Variants in MAN1A1 observed in about 807,000 individuals in gnomAD.
MAN1A1 encodes mannosidase alpha class 1A member 1.
MAN1A1 carries 29 observed loss-of-function variants against 70.8 expected under a neutral mutation model. The observed-to-expected ratio is 0.41, with a 90% CI of 0.31 to 0.56. The LOEUF is 0.56. Among genes scored for constraint, MAN1A1 ranks in the 20% least tolerant of loss-of-function variants. The pLI is 0.29. For missense variants in MAN1A1, 747 were observed against 841.3 expected (o/e 0.89, Z 1.39); for synonymous variants, 349 against 330.1 (o/e 1.06, Z -0.62).
chr6:119,313,335 C>T (rs1205049489), intron 2 of MAN1A1, among the ~76,000 whole-genome samples: 2 of 152,044 alleles, frequency 1.3e-5, no homozygotes, highest in African/African-American at 4.8e-5. Context: ...CCTCAGTGAG[C>T]GAGGGCCACC....
intron 6 of MAN1A1, among the ~76,000 whole-genome samples, chr6:119,216,196 G>T (rs1041436487): frequency 6.6e-6 from 1 of 152,166 alleles, no homozygotes; most frequent in Non-Finnish European, 1.5e-5. Flanking sequence ...AGCATTCCAG[G>T]CTTTTAAACA....
At chr6:119,264,792 G>A (rs1274796114) in intron 5 of MAN1A1, among the ~76,000 whole-genome samples, 1 of 152,036 alleles carries the variant, frequency 6.6e-6, no homozygotes, top group African/African-American at 2.4e-5. Flanking sequence ...TTGCAAATTG[G>A]CATACAATAG....
intron 5 of MAN1A1, among the ~76,000 whole-genome samples, chr6:119,279,998 T>C (rs1776186415): frequency 6.6e-6 from 1 of 152,208 alleles, no homozygotes; most frequent in Non-Finnish European, 1.5e-5. Context: ...TTCAAAATAG[T>C]ATTTTCTCTT....
chr6:119,222,699 C>T (rs971106634), intron 6 of MAN1A1, among the ~76,000 whole-genome samples: 1 of 152,194 alleles, frequency 6.6e-6, no homozygotes, highest in African/African-American at 2.4e-5. Flanking sequence ...CACAGAGAAA[C>T]TTCTTCACCA....
intron 6 of MAN1A1, among the ~76,000 whole-genome samples, chr6:119,236,126 C>A (rs1383104065): frequency 1.9e-5 from 2 of 107,372 alleles, no homozygotes; most frequent in Non-Finnish European, 3.8e-5. Context: ...TAGAGCAAGA[C>A]TCCGTCTAAA....
chr6:119,349,753 G>C lies in MAN1A1; in HGVS notation c.-434C>G. On this transcript the variant is annotated 5_prime_UTR_variant, in exon 1 of 13. Transcript: ENST00000368468. Reference sequence around the variant, plus strand: ...GCACGGTACACTCCGCCGCGGCCCCGCGAGCACTAATCTCACTGCCGGTCT... The same window carrying C: ...GCACGGTACACTCCGCCGCGGCCCCCCGAGCACTAATCTCACTGCCGGTCT... 3.0e-6 allele frequency: 3 copies of C among 985,508 alleles called. No homozygotes were observed. Among genetic ancestry groups the C allele is most frequent in the Non-Finnish European group, 3.6e-6 (3 of 829,952 alleles). 61.0% of individuals were successfully genotyped at this position (985,508 alleles called of 1,614,324 possible).
intron 6 of MAN1A1, among the ~76,000 whole-genome samples, chr6:119,208,985 C>T (rs2114954949): frequency 6.6e-6 from 1 of 151,012 alleles, no homozygotes; most frequent in African/African-American, 2.4e-5. Flanking sequence ...GTCCCAGCTA[C>T]CTGGGAAGTG....
rs1017346673 is a variant in MAN1A1, at chr6:119,348,816, C to A, written c.250G>T (p.Ala84Ser). The A allele has an allele frequency of 1.4e-6, 2 of 1,455,202 alleles. No individual in the cohort carries two copies. Among genetic ancestry groups the A allele is most frequent in the Non-Finnish European group, 1.8e-6 (2 of 1,099,074 alleles). 90.1% of individuals were successfully genotyped at this position (1,455,202 alleles called of 1,614,324 possible). The stretch of plus-strand genomic sequence containing the variant: ...GCCCCGGGCCCGGGCTTGTGGTCGG[C>A]GGCCGGCTGCAAGGCGGGGCTGGAG... ...FHSSPALQPA[A>S]DHKPGPGARA... The change falls in exon 2 of 13, where the codon GCC (alanine) becomes TCC (serine). Residue 84 changes from alanine to serine, a missense_variant. This residue lies in a region of MAN1A1 where 328 missense variants were observed against 293.1 expected (regional missense o/e 1.12). Transcript: ENST00000368468.
chr6:119,238,903 A>T (rs904725227), intron 6 of MAN1A1, among the ~76,000 whole-genome samples: 29 of 151,996 alleles, frequency 1.9e-4, no homozygotes, highest in Middle Eastern at 3.4e-3. Context: ...TATTATTATT[A>T]TTTTTGAGAC....
In MAN1A1 at chr6:119,204,902, G is replaced by A. The variant is rs757850586; in HGVS notation, c.993-20C>T. ...ATACCACTAAAGAAGAGATGACGTCGAAGAGTTATGGGTCAGATTAACTCC... is the reference window on the plus strand; with the variant it reads ...ATACCACTAAAGAAGAGATGACGTCAAAGAGTTATGGGTCAGATTAACTCC... On this transcript the variant is annotated intron_variant, in intron 6 of 12. Transcript: ENST00000368468. 46 of 1,612,380 alleles carry A rather than the reference G, an allele frequency of 2.9e-5. No individual in the cohort carries two copies. Among genetic ancestry groups the A allele is most frequent in the South Asian group, 1.3e-4 (12 of 90,838 alleles).
At chr6:119,286,191 T>C (rs938824680) in intron 5 of MAN1A1, among the ~76,000 whole-genome samples, 2 of 152,186 alleles carry the variant, frequency 1.3e-5, no homozygotes, top group Non-Finnish European at 2.9e-5. Context: ...TCTAATGAAT[T>C]GTGGCAGACA....
rs149348645 is a variant in MAN1A1, at chr6:119,216,182, G to A, written c.993-11300C>T. Among the ~76,000 whole-genome samples the A allele has an allele frequency of 1.3e-4, 20 of 152,310 alleles. No homozygotes were observed. The East Asian group carries it at 3.9e-3, about 29-fold the overall frequency. On this transcript the variant is annotated intron_variant, in intron 6 of 12. Coordinates refer to ENST00000368468, the MANE Select transcript of MAN1A1 (RefSeq NM_005907.4). The stretch of plus-strand genomic sequence containing the variant: ...GTTTCAATTTATTCTAAGTGCAGTG[G>A]AAAAGCATTCCAGGCTTTTAAACAG...
Position 119,306,448 on chromosome 6 carries a change from C to T in MAN1A1, c.700+448G>A, listed in dbSNP as rs554263597. ...CTCACTTTCTCTTCCATGGTACAAACAGGAGAAACCTATAGCCAAAATTGA... is the reference window on the plus strand; with the variant it reads ...CTCACTTTCTCTTCCATGGTACAAATAGGAGAAACCTATAGCCAAAATTGA... On this transcript the variant is annotated intron_variant, in intron 3 of 12. Transcript: ENST00000368468. Among the ~76,000 whole-genome samples, 264 of 152,292 alleles carry T rather than the reference C, an allele frequency of 1.7e-3. 1 individual carries two copies. The highest frequency in any genetic ancestry group is 6.1e-3 in the African/African-American group (253 of 41,568).
At chr6:119,350,299 TTCC>T (rs1773876462), upstream of MAN1A1, among the ~76,000 whole-genome samples, 1 of 152,148 alleles carries the variant, frequency 6.6e-6, no homozygotes, top group Admixed American at 6.5e-5. Flanking sequence ...AAGGCCGGGG[TTCC>T]CCGGGTGCCT....
chr6:119,298,854 C>T (rs926926360), intron 4 of MAN1A1, among the ~76,000 whole-genome samples: 39 of 151,946 alleles, frequency 2.6e-4, no homozygotes, highest in Non-Finnish European at 1.6e-4. Context: ...CCTCGGCCTC[C>T]CAAAATGCTG....
intron 2 of MAN1A1, among the ~76,000 whole-genome samples, chr6:119,310,117 G>T (rs1393540310): frequency 1.3e-5 from 2 of 152,172 alleles, no homozygotes; most frequent in African/African-American, 4.8e-5. Context: ...CAACTCTATT[G>T]TTGTTTCTAA....
chr6:119,248,885 A>C (rs1483122197), intron 5 of MAN1A1, among the ~76,000 whole-genome samples: 2 of 152,204 alleles, frequency 1.3e-5, no homozygotes, highest in Admixed American at 1.3e-4. Flanking sequence ...ACTTTCTCTG[A>C]TGTTAAGTGT....
intron 2 of MAN1A1, among the ~76,000 whole-genome samples, chr6:119,323,955 A>T (rs1773085585): frequency 6.6e-6 from 1 of 152,234 alleles, no homozygotes. Flanking sequence ...GGGGACTTGC[A>T]AAATTTACCA....
rs1410035523 is a variant in MAN1A1 at position 119,193,904 on chromosome 6, G to C, written c.1211-12C>G. On this transcript the variant is annotated splice_polypyrimidine_tract_variant and intron_variant, in intron 8 of 12. Transcript: ENST00000368468. ...AACTGATACATGATCTGGAAAGAGA[G>C]GGAAATGAATTTTAGAGTGATTCAG... 6.5e-7 allele frequency: 1 copy of C among 1,548,306 alleles called. No homozygotes were observed. Among genetic ancestry groups the C allele is most frequent in the Non-Finnish European group, 8.9e-7 (1 of 1,123,490 alleles).
Sources: gnomAD v4.1 joint callset for allele counts (sites outside exome capture counted in the v4.1 genomes callset) on GRCh38, gnomAD v4.1.1 for gene constraint, gnomAD v4.1.1 regional missense constraint, MANE v1.5 for transcripts, NCBI Gene and HGNC (gene_info 2026-07-23, HGNC 2026-07-21) for gene names.